The following KCTD16 variants were observed in gnomAD, a reference collection of about 807,000 sequenced individuals.
The protein encoded by KCTD16 is potassium channel tetramerization domain containing 16.
KCTD16 carries 13 observed loss-of-function variants against 33.2 expected under a neutral mutation model. The observed-to-expected ratio is 0.39, with a 90% CI of 0.25 to 0.62. KCTD16 has a LOEUF of 0.62. KCTD16 is among the 20% of genes least tolerant of loss of function. The pLI is 0.50. For missense variants in KCTD16, 441 were observed against 525.1 expected (o/e 0.84, Z 1.57); for synonymous variants, 197 against 195.3 (o/e 1.01, Z -0.07).
At chr5:144,308,755 G>A (rs955175627) in intron 3 of KCTD16, among the ~76,000 whole-genome samples, 1 of 68,064 alleles carries the variant, frequency 1.5e-5, no homozygotes, top group East Asian at 3.1e-4. Context: ...TCCTCAGATT[G>A]TGGGGTGGGG....
intron 2 of KCTD16, among the ~76,000 whole-genome samples, chr5:144,184,606 A>G (rs1752689104): frequency 6.6e-6 from 1 of 152,174 alleles, no homozygotes; most frequent in Admixed American, 6.5e-5. Flanking sequence ...TATAGTGGCA[A>G]CACCATTTTA....
At chr5:144,386,836 T>G (rs548068921) in intron 3 of KCTD16, among the ~76,000 whole-genome samples, 1 of 152,318 alleles carries the variant, frequency 6.6e-6, no homozygotes, top group East Asian at 1.9e-4. Context: ...CAACTCAGGC[T>G]CCATCAGTCT....
intron 3 of KCTD16, among the ~76,000 whole-genome samples, chr5:144,309,976 T>G (rs1751716310): frequency 6.6e-6 from 1 of 152,176 alleles, no homozygotes; most frequent in South Asian, 2.1e-4. Context: ...TTTTGGTCTT[T>G]TATAATTTTT....
intron 3 of KCTD16, among the ~76,000 whole-genome samples, chr5:144,211,332 C>G (rs1340859930): frequency 6.6e-6 from 1 of 151,792 alleles, no homozygotes; most frequent in Non-Finnish European, 1.5e-5. Flanking sequence ...TTATTCTAGC[C>G]TTTTTTTTCT....
chr5:144,342,156 T>C (rs1375823791), intron 3 of KCTD16, among the ~76,000 whole-genome samples: 3 of 152,160 alleles, frequency 2.0e-5, no homozygotes, highest in Admixed American at 6.5e-5. Flanking sequence ...ATCTATAAAT[T>C]ACCTTGGGCA....
At chr5:144,332,344 T>C (rs1752381639) in intron 3 of KCTD16, among the ~76,000 whole-genome samples, 1 of 152,084 alleles carries the variant, frequency 6.6e-6, no homozygotes, top group African/African-American at 2.4e-5. Flanking sequence ...TCTGGGTTGC[T>C]GGATACATTG....
intron 3 of KCTD16, among the ~76,000 whole-genome samples, chr5:144,343,313 G>A (rs1580887793): frequency 1.3e-5 from 2 of 152,040 alleles, no homozygotes; most frequent in South Asian, 4.2e-4. Flanking sequence ...TTGGGAGGGT[G>A]TATGTGTCGA....
intron 3 of KCTD16, among the ~76,000 whole-genome samples, chr5:144,362,911 G>C (rs1751748099): frequency 6.6e-6 from 1 of 152,144 alleles, no homozygotes; most frequent in Non-Finnish European, 1.5e-5. Context: ...TAAGAAGATG[G>C]TGTATGTAAA....
chr5:144,346,630 C>CA (rs1217098530), intron 3 of KCTD16, among the ~76,000 whole-genome samples: 1 of 152,154 alleles, frequency 6.6e-6, no homozygotes, highest in Non-Finnish European at 1.5e-5. Flanking sequence ...AGCACCTTTT[C>CA]ATATGTCTGC....
chr5:144,238,279 A>C (rs1580811589), intron 3 of KCTD16, among the ~76,000 whole-genome samples: 1 of 152,262 alleles, frequency 6.6e-6, no homozygotes, highest in East Asian at 1.9e-4. Context: ...AAGATTCAAG[A>C]AAGAAAATAT....
At chr5:144,178,072 A>T (rs890119601) in intron 2 of KCTD16, among the ~76,000 whole-genome samples, 5 of 152,212 alleles carry the variant, frequency 3.3e-5, no homozygotes, top group African/African-American at 9.7e-5. Flanking sequence ...AACTTTTTAC[A>T]TTGGGTTTAA....
chr5:144,465,169 A>C, intron 3 of KCTD16, among the ~76,000 whole-genome samples: 2 of 144,036 alleles, frequency 1.4e-5, no homozygotes, highest in African/African-American at 5.2e-5. Context: ...TATCACATAC[A>C]TAGTCTCTCT....
At chr5:144,216,380 TCTCTC>T (rs986948697) in intron 3 of KCTD16, among the ~76,000 whole-genome samples, 1 of 152,236 alleles carries the variant, frequency 6.6e-6, no homozygotes, top group African/African-American at 2.4e-5. Context: ...AATTCATACT[TCTCTC>T]CTTTTATTCA....
At chr5:144,179,876 G>A (rs755270175) in intron 2 of KCTD16, among the ~76,000 whole-genome samples, 14 of 152,200 alleles carry the variant, frequency 9.2e-5, no homozygotes, top group South Asian at 6.2e-4. Context: ...CCTACCATGT[G>A]CCAGTCACAA....
At chr5:144,308,223 C>T (rs1751660023) in intron 3 of KCTD16, among the ~76,000 whole-genome samples, 1 of 152,196 alleles carries the variant, frequency 6.6e-6, no homozygotes, top group South Asian at 2.1e-4. Context: ...TTCTTTCTGT[C>T]ATAGCAGCCC....
chr5:144,312,141 G>T (rs1439372918), intron 3 of KCTD16, among the ~76,000 whole-genome samples: 1 of 152,148 alleles, frequency 6.6e-6, no homozygotes, highest in East Asian at 1.9e-4. Flanking sequence ...AATAAAGACT[G>T]CTCCGAATTA....
chr5:144,183,179 G>A (rs1444305202), intron 2 of KCTD16, among the ~76,000 whole-genome samples: 1 of 152,136 alleles, frequency 6.6e-6, no homozygotes, highest in Non-Finnish European at 1.5e-5. Flanking sequence ...TTGGTGTTTT[G>A]TGTTTCTGTG....
chr5:144,452,525 C>T lies in KCTD16; in HGVS notation c.833-21135C>T, dbSNP rs139435801. On this transcript the variant is annotated intron_variant, in intron 3 of 3. Coordinates refer to ENST00000512467, the MANE Select transcript of KCTD16 (RefSeq NM_020768.4). ...GAGAGGGGAAAGAGAGAAATAGGGA[C>T]GAGAAAGAGCATTGCTAGATAAAAG... 1.5e-3 allele frequency among the ~76,000 whole-genome samples: 220 copies of T among 150,732 alleles called. 1 individual carries two copies. The highest frequency in any genetic ancestry group is 2.7e-3 in the African/African-American group (112 of 40,984).
intron 3 of KCTD16, among the ~76,000 whole-genome samples, chr5:144,295,173 A>T (rs1187503167): frequency 6.6e-6 from 1 of 152,224 alleles, no homozygotes; most frequent in East Asian, 1.9e-4. Flanking sequence ...AGATGCATAG[A>T]AAGAGCTCAG....
Sources: gnomAD v4.1 joint callset for allele counts (sites outside exome capture counted in the v4.1 genomes callset) on GRCh38, gnomAD v4.1.1 for gene constraint, MANE v1.5 for transcripts, NCBI Gene and HGNC (gene_info 2026-07-23, HGNC 2026-07-21) for gene names.